The following MVB12B variants were observed in gnomAD, a reference collection of about 807,000 sequenced individuals.
MVB12B encodes the protein multivesicular body subunit 12B, also known as ESCRT-I complex subunit MVB12B.
A neutral mutation model predicts 41.6 loss-of-function variants in MVB12B; 16 were observed. That is an observed-to-expected ratio of 0.38 (90% CI 0.26 to 0.58). The LOEUF is 0.58. Ranked by LOEUF, MVB12B falls within the 20% of genes least tolerant of loss-of-function variation. The pLI, the probability that MVB12B is intolerant of heterozygous loss-of-function variation, is 0.62. For missense variants in MVB12B, 274 were observed against 380.2 expected (o/e 0.72, Z 2.32); for synonymous variants, 133 against 139.7 (o/e 0.95, Z 0.34).
Position 126,459,672 on chromosome 9 carries a change from G to A in MVB12B, c.758-21697G>A, listed in dbSNP as rs768696774. On this transcript the variant is annotated intron_variant, in intron 7 of 9. Coordinates refer to ENST00000361171, the MANE Select transcript of MVB12B (RefSeq NM_033446.3). This position sits in a 1 kb window ranked among gnomAD's most constrained non-coding sequence, Gnocchi z 4.3. The stretch of plus-strand genomic sequence containing the variant: ...GCATGCCTGCGGGTTTGAGAGTTTT[G>A]GAGCAGAAGGATGCCTCTTCTGGAT... Among the ~76,000 whole-genome samples the A allele has an allele frequency of 2.9e-4, 44 of 152,270 alleles. No individual in the cohort carries two copies. In the Middle Eastern group the frequency reaches 0.017, roughly 59 times the overall value.
intron 7 of MVB12B, among the ~76,000 whole-genome samples, chr9:126,454,053 G>A (rs1198068944): frequency 1.3e-5 from 2 of 152,226 alleles, no homozygotes; most frequent in African/African-American, 4.8e-5. Context: ...CAGAGTCAGT[G>A]CCACCACCAC....
At chr9:126,397,697 G>C in intron 6 of MVB12B, 2 of 958,126 alleles carry the variant, frequency 2.1e-6, no homozygotes, top group Non-Finnish European at 2.5e-6. Context: ...CATCCATCAG[G>C]GTTTTTTGGT....
chr9:126,397,772 T>A (rs777001459), intron 6 of MVB12B: 10 of 353,094 alleles, frequency 2.8e-5, no homozygotes, highest in Non-Finnish European at 4.0e-5. Flanking sequence ...TAAAATGAAA[T>A]GTTGATTATT....
At chr9:126,495,831 G>A (rs895056625) in intron 9 of MVB12B, among the ~76,000 whole-genome samples, 3 of 152,130 alleles carry the variant, frequency 2.0e-5, no homozygotes, top group Non-Finnish European at 2.9e-5. Flanking sequence ...GTGAAACACC[G>A]CACAGGCCAG....
chr9:126,461,900 C>T (rs773249533), intron 7 of MVB12B, among the ~76,000 whole-genome samples: 26 of 152,248 alleles, frequency 1.7e-4, no homozygotes, highest in Non-Finnish European at 2.8e-4. Flanking sequence ...CATTCATCTC[C>T]ACCCAGCAGC....
intron 9 of MVB12B, among the ~76,000 whole-genome samples, chr9:126,501,312 TG>T (rs1833950923): frequency 6.6e-6 from 1 of 152,124 alleles, no homozygotes; most frequent in African/African-American, 2.4e-5. Flanking sequence ...GGCCTGGACA[TG>T]GGCGCATCAC....
intron 2 of MVB12B, among the ~76,000 whole-genome samples, chr9:126,359,751 A>G (rs1035023639): frequency 2.0e-5 from 3 of 152,162 alleles, no homozygotes; most frequent in African/African-American, 7.2e-5. Context: ...TTTATTCCCA[A>G]TAATGGTAAT....
intron 6 of MVB12B, among the ~76,000 whole-genome samples, chr9:126,398,727 C>CT (rs1831188155): frequency 6.6e-6 from 1 of 152,254 alleles, no homozygotes; most frequent in Non-Finnish European, 1.5e-5. Flanking sequence ...GTGGCAGGCT[C>CT]TTTCGCCGCA....
At chr9:126,487,985 G>A (rs10119197) in intron 9 of MVB12B, among the ~76,000 whole-genome samples, 17,737 of 152,214 alleles carry the variant, frequency 0.12, 1,073 homozygotes, top group Middle Eastern at 0.21. Context: ...ACAGCCATTC[G>A]CGTAACGTTG....
intron 7 of MVB12B, among the ~76,000 whole-genome samples, chr9:126,452,653 AAAGAGTT>A (rs1001623369): frequency 1.2e-4 from 19 of 152,122 alleles, no homozygotes; most frequent in African/African-American, 4.1e-4. Context: ...CAGAGGAAAG[AAAGAGTT>A]GTCAGAGCCC....
At chr9:126,472,092 C>T (rs10114851) in intron 7 of MVB12B, among the ~76,000 whole-genome samples, 36,413 of 151,512 alleles carry the variant, frequency 0.24, 4,946 homozygotes, top group African/African-American at 0.36. Flanking sequence ...TGTATTGAGA[C>T]GTTGGGGAGG....
chr9:126,422,825 T>A (rs1266892685), intron 7 of MVB12B, among the ~76,000 whole-genome samples: 1 of 152,206 alleles, frequency 6.6e-6, no homozygotes, highest in East Asian at 1.9e-4. Context: ...ATAATTCTTG[T>A]CAGTATTAGT....
intron 6 of MVB12B, among the ~76,000 whole-genome samples, chr9:126,406,020 C>T (rs1427696852): frequency 3.3e-5 from 5 of 150,252 alleles, no homozygotes; most frequent in African/African-American, 1.2e-4. Context: ...TAATTGTGTC[C>T]TCATTTTATT....
chr9:126,470,285 C>T (rs574565264), intron 7 of MVB12B, among the ~76,000 whole-genome samples: 28 of 152,108 alleles, frequency 1.8e-4, no homozygotes, highest in African/African-American at 6.0e-4. Context: ...CATGGCTCTC[C>T]GTGGTGTCTG....
At chr9:126,487,415 C>T (rs992464202) in intron 9 of MVB12B, among the ~76,000 whole-genome samples, 3 of 152,220 alleles carry the variant, frequency 2.0e-5, no homozygotes, top group African/African-American at 4.8e-5. Flanking sequence ...AGCTCCATCC[C>T]TGTGGACCAA....
chr9:126,419,552 T>C (rs1303122949), intron 6 of MVB12B, among the ~76,000 whole-genome samples: 1 of 152,236 alleles, frequency 6.6e-6, no homozygotes, highest in Non-Finnish European at 1.5e-5. Flanking sequence ...GGCTGGCACC[T>C]GGTGACACTC....
intron 7 of MVB12B, among the ~76,000 whole-genome samples, chr9:126,457,963 T>C (rs1009875830): frequency 2.0e-5 from 3 of 152,132 alleles, no homozygotes; most frequent in Non-Finnish European, 4.4e-5. Flanking sequence ...AAAAGACGAT[T>C]TGGGGACTTT....
intron 6 of MVB12B, among the ~76,000 whole-genome samples, chr9:126,415,198 G>A (rs1447001201): frequency 2.0e-5 from 3 of 152,134 alleles, no homozygotes; most frequent in Non-Finnish European, 2.9e-5. Context: ...CCTTCCTTCA[G>A]TCTCTCCTTA....
intron 9 of MVB12B, among the ~76,000 whole-genome samples, chr9:126,488,936 G>A (rs983472938): frequency 6.6e-6 from 1 of 152,194 alleles, no homozygotes; most frequent in Non-Finnish European, 1.5e-5. Flanking sequence ...TTAGGGACAT[G>A]GGCAGCCACA....
Sources: gnomAD v4.1 joint callset for allele counts (sites outside exome capture counted in the v4.1 genomes callset) on GRCh38, gnomAD v4.1.1 for gene constraint, Gnocchi (gnomAD v3.1) non-coding constraint, MANE v1.5 for transcripts, NCBI Gene and HGNC (gene_info 2026-07-23, HGNC 2026-07-21) for gene names.